Variants in CCDC171 observed in about 807,000 individuals in gnomAD.
The protein encoded by CCDC171 is coiled-coil domain-containing protein 171.
CCDC171 carries 177 observed loss-of-function variants against 168.2 expected under a neutral mutation model. That is an observed-to-expected ratio of 1.05 (90% CI 0.93 to 1.19). The LOEUF (loss-of-function observed/expected upper bound fraction) is 1.19, where lower values mean the gene tolerates loss of function less well. Among genes scored for constraint, CCDC171 ranks in the 50% most tolerant of loss-of-function variants. The pLI, the probability that CCDC171 is intolerant of heterozygous loss-of-function variation, is 0.00. For missense variants in CCDC171, 1,991 were observed against 1,539.0 expected (o/e 1.29, Z -4.91); for synonymous variants, 687 against 540.8 (o/e 1.27, Z -3.75).
chr9:15,914,076 G>T (rs1824119421), intron 24 of CCDC171, among the ~76,000 whole-genome samples: 1 of 152,242 alleles, frequency 6.6e-6, no homozygotes, highest in South Asian at 2.1e-4. Context: ...TGAGGCGTCT[G>T]TCAACCCCTG....
chr9:15,642,332 C>CGT (rs1220559854), intron 7 of CCDC171, among the ~76,000 whole-genome samples: 8,371 of 67,398 alleles, frequency 0.12, 666 homozygotes, highest in East Asian at 0.16. Flanking sequence ...TATATATACA[C>CGT]GTGTGTGTGT....
rs986660129 is a variant in CCDC171, at chr9:15,566,896, T to TC, written c.41+2769dup. On this transcript the variant is annotated intron_variant, in intron 2 of 25. Transcript: ENST00000380701. ...TCTTTGCATGTGCGTAGCCAGTTGT[T>TC]CCAGCAGCGTTGTTGATAAGAGTAA... 6.6e-5 allele frequency among the ~76,000 whole-genome samples: 10 copies of TC among 152,340 alleles called. No individual in the cohort carries two copies. The Middle Eastern group carries it at 0.014, about 207-fold the overall frequency.
intron 6 of CCDC171, among the ~76,000 whole-genome samples, chr9:16,031,280 GT>G (rs1833360846): frequency 6.6e-6 from 1 of 152,168 alleles, no homozygotes; most frequent in Non-Finnish European, 1.5e-5. Context: ...ATGCTACTAA[GT>G]ACTACACAAA....
intron 7 of CCDC171, among the ~76,000 whole-genome samples, chr9:15,641,259 A>C (rs1043219305): frequency 1.3e-5 from 2 of 152,202 alleles, no homozygotes; most frequent in African/African-American, 4.8e-5. Context: ...ACTCCTGAGG[A>C]AATCATTAAC....
intron 2 of CCDC171, among the ~76,000 whole-genome samples, chr9:15,566,333 G>A (rs951707843): frequency 6.6e-6 from 1 of 152,036 alleles, no homozygotes; most frequent in Non-Finnish European, 1.5e-5. Context: ...TGAGGTGGGT[G>A]GATTGCTTGA....
At chr9:15,684,456 T>C (rs1276528261) in intron 10 of CCDC171, among the ~76,000 whole-genome samples, 1 of 151,978 alleles carries the variant, frequency 6.6e-6, no homozygotes, top group African/African-American at 2.4e-5. Flanking sequence ...TTGAGTCAAC[T>C]TTTTCCATAG....
intron 25 of CCDC171, among the ~76,000 whole-genome samples, chr9:15,946,674 A>G (rs111988687): frequency 6.6e-6 from 1 of 152,116 alleles, no homozygotes; most frequent in African/African-American, 2.4e-5. Flanking sequence ...AAAATACTTT[A>G]AAGTTCATAT....
intron 6 of CCDC171, among the ~76,000 whole-genome samples, chr9:15,599,484 T>G (rs1172108363): frequency 2.6e-5 from 4 of 152,176 alleles, no homozygotes; most frequent in African/African-American, 7.2e-5. Flanking sequence ...GCCCCCACTC[T>G]CTCCTGGCTT....
intron 24 of CCDC171, among the ~76,000 whole-genome samples, chr9:15,907,261 T>A (rs967762426): frequency 2.6e-5 from 4 of 152,210 alleles, no homozygotes; most frequent in African/African-American, 9.6e-5. Flanking sequence ...CAAACTATAC[T>A]ACAAGGCTAC....
At chr9:15,592,052 A>G (rs1333720385) in intron 5 of CCDC171, among the ~76,000 whole-genome samples, 4 of 151,674 alleles carry the variant, frequency 2.6e-5, no homozygotes, top group Non-Finnish European at 5.9e-5. Context: ...TTCTCTTTTT[A>G]CTCCCTAAAG....
chr9:15,632,892 G>T (rs1219178306), intron 7 of CCDC171, among the ~76,000 whole-genome samples: 1 of 152,152 alleles, frequency 6.6e-6, no homozygotes, highest in Non-Finnish European at 1.5e-5. Context: ...TCTGATCTTT[G>T]ACAAACCTGA....
chr9:16,106,772 T>C, the CCDC171 span, among the ~76,000 whole-genome samples: 1 of 152,188 alleles, frequency 6.6e-6, no homozygotes, highest in South Asian at 2.1e-4. Context: ...TAAAACTAAA[T>C]GCTAGAGAAT....
intron 25 of CCDC171, among the ~76,000 whole-genome samples, chr9:15,924,788 A>G (rs572835350): frequency 2.8e-4 from 43 of 151,476 alleles, no homozygotes; most frequent in South Asian, 2.7e-3. Flanking sequence ...TGCTGAGACT[A>G]TTTTTCAAAA....
rs773612903 is a variant in CCDC171, at chr9:15,920,390, G to C, written c.3721G>C (p.Ala1241Pro). 1.9e-6 allele frequency: 3 copies of C among 1,607,452 alleles called. 1 individual carries two copies. In the South Asian group the frequency reaches 3.3e-5, roughly 18 times the overall value. The change falls in exon 25 of 26, where the codon GCT (alanine) becomes CCT (proline). Residue 1241 changes from alanine to proline, a missense_variant. Coordinates refer to ENST00000380701, the MANE Select transcript of CCDC171 (RefSeq NM_173550.4). ...AGCCTTGAAATCAGAACTTCACACA[G>C]CTTGTTTACGTGAAAATGCAAGTTT... ...IAALKSELHT[A>P]CLRENASLQS...
intron 3 of CCDC171, among the ~76,000 whole-genome samples, chr9:16,017,865 C>T (rs1833065409): frequency 6.6e-6 from 1 of 152,172 alleles, no homozygotes; most frequent in Non-Finnish European, 1.5e-5. Flanking sequence ...AAGAGCAGCA[C>T]CGCAGCACTG....
chr9:15,866,806 C>G (rs956153313), intron 23 of CCDC171, among the ~76,000 whole-genome samples: 4 of 151,934 alleles, frequency 2.6e-5, no homozygotes, highest in African/African-American at 7.2e-5. Context: ...AGTTTGAAGT[C>G]CTTGAGGGAT....
At chr9:15,840,537 A>G (rs1407982764) in intron 21 of CCDC171, among the ~76,000 whole-genome samples, 1 of 152,140 alleles carries the variant, frequency 6.6e-6, no homozygotes, top group East Asian at 1.9e-4. Flanking sequence ...TGTAGAGGTC[A>G]TATAAGAGCT....
At chr9:15,577,983 T>C (rs1240395594) in intron 3 of CCDC171, among the ~76,000 whole-genome samples, 1 of 152,224 alleles carries the variant, frequency 6.6e-6, no homozygotes, top group African/African-American at 2.4e-5. Flanking sequence ...CATGCTACTT[T>C]GGAAGGATCA....
chr9:15,554,647 GT>G (rs1276813912), intron 1 of CCDC171, among the ~76,000 whole-genome samples: 1 of 152,080 alleles, frequency 6.6e-6, no homozygotes, highest in Non-Finnish European at 1.5e-5. Context: ...TCTTGGTCTT[GT>G]TTTGATGTAA....
Sources: allele counts gnomAD v4.1 joint callset (sites outside exome capture counted in the v4.1 genomes callset), GRCh38; gene constraint gnomAD v4.1.1; transcripts MANE v1.5; gene names NCBI Gene and HGNC (gene_info 2026-07-23, HGNC 2026-07-21).